Variants in MPPED1 observed in about 807,000 individuals in gnomAD.
MPPED1 encodes metallophosphoesterase domain-containing protein 1.
MPPED1 carries 16 observed loss-of-function variants against 36.2 expected under a neutral mutation model. That is an observed-to-expected ratio of 0.44 (90% confidence interval 0.30 to 0.67). MPPED1 has a LOEUF of 0.67. Ranked by LOEUF, MPPED1 falls within the 30% of genes least tolerant of loss-of-function variation. The probability of loss-of-function intolerance (pLI) is 0.10; values close to 1 mark genes in which losing one functional copy is unlikely to be tolerated. For synonymous variants in MPPED1, 199 were observed against 191.3 expected, an observed-to-expected ratio of 1.04 and a Z score of -0.33; for missense variants, 307 against 453.4, an observed-to-expected ratio of 0.68 and a Z score of 2.93.
At chr22:43,494,606 C>A (rs576269094) in intron 4 of MPPED1, among the ~76,000 whole-genome samples, 9 of 149,458 alleles carry the variant, frequency 6.0e-5, no homozygotes, top group African/African-American at 2.2e-4. Flanking sequence ...TTGATTTCAT[C>A]TACAAAGAAC....
intron 3 of MPPED1, among the ~76,000 whole-genome samples, chr22:43,439,021 GA>G (rs1237673014): frequency 6.6e-6 from 1 of 152,228 alleles, no homozygotes; most frequent in Middle Eastern, 3.2e-3. Flanking sequence ...GCCACCTCCA[GA>G]CAGACAGGAA....
At chr22:43,432,332 G>T (rs1929723742) in intron 2 of MPPED1, among the ~76,000 whole-genome samples, 1 of 134,378 alleles carries the variant, frequency 7.4e-6, no homozygotes, top group African/African-American at 3.0e-5. Context: ...AGGAGAGAAA[G>T]AGGGAAAGAG....
intron 3 of MPPED1, among the ~76,000 whole-genome samples, chr22:43,471,926 C>G (rs1931391192): frequency 6.6e-6 from 1 of 152,092 alleles, no homozygotes. Context: ...AGAATCTCAT[C>G]CCAGCAGCCT....
chr22:43,485,325 C>T (rs1481247597), intron 4 of MPPED1, among the ~76,000 whole-genome samples: 1 of 152,050 alleles, frequency 6.6e-6, no homozygotes, highest in Admixed American at 6.6e-5. Flanking sequence ...TTCATAGACA[C>T]ATACACATGA....
intron 4 of MPPED1, among the ~76,000 whole-genome samples, chr22:43,497,078 G>A (rs1340591140): frequency 2.0e-5 from 3 of 148,558 alleles, no homozygotes; most frequent in Admixed American, 6.7e-5. Context: ...GGAGGTGGTG[G>A]TGGAGGTAGT....
At chr22:43,501,660 G>C (rs1414338602) in intron 5 of MPPED1, among the ~76,000 whole-genome samples, 2 of 152,108 alleles carry the variant, frequency 1.3e-5, no homozygotes. Flanking sequence ...CCAGTGCCCA[G>C]CCCAGCACTC....
intron 1 of MPPED1, chr22:43,418,129 G>A (rs1929138924): frequency 2.2e-6 from 1 of 456,216 alleles, no homozygotes; most frequent in Admixed American, 2.3e-5. Flanking sequence ...GTGTTCTGGG[G>A]ATGGCTGCCT....
At chr22:43,485,888 C>A (rs919215060) in intron 4 of MPPED1, among the ~76,000 whole-genome samples, 1 of 152,250 alleles carries the variant, frequency 6.6e-6, no homozygotes, top group Non-Finnish European at 1.5e-5. Context: ...GTGTGATTGA[C>A]GGGCTTTGGG....
chr22:43,465,309 A>T (rs572693768), intron 3 of MPPED1, among the ~76,000 whole-genome samples: 1 of 152,220 alleles, frequency 6.6e-6, no homozygotes, highest in Non-Finnish European at 1.5e-5. Flanking sequence ...TGATGGGCTC[A>T]TCTCATCCTA....
chr22:43,435,879 GA>G (rs1569068820), intron 3 of MPPED1, among the ~76,000 whole-genome samples: 1 of 152,150 alleles, frequency 6.6e-6, no homozygotes, highest in Non-Finnish European at 1.5e-5. Context: ...ATTGATGAAT[GA>G]ATGAATGAAT....
chr22:43,450,466 T>G (rs1191428726), intron 3 of MPPED1, among the ~76,000 whole-genome samples: 1 of 152,232 alleles, frequency 6.6e-6, no homozygotes, highest in Non-Finnish European at 1.5e-5. Flanking sequence ...CCTCTCGAGT[T>G]TGGATCCTGG....
intron 5 of MPPED1, among the ~76,000 whole-genome samples, chr22:43,498,858 C>G (rs576017937): frequency 1.5e-4 from 21 of 140,266 alleles, no homozygotes; most frequent in African/African-American, 4.7e-4. Flanking sequence ...GCCTCCTCCA[C>G]CCCTACTGTC....
Position 43,474,920 on chromosome 22 carries a change from G to A in MPPED1, c.591G>A (p.Ser197=), listed in dbSNP as rs6003217. Residue 197 remains serine, a synonymous_variant, in exon 4 of 7, where the codon TCG becomes TCA. Coordinates refer to ENST00000443721, the MANE Select transcript of MPPED1 (RefSeq NM_001044370.2). This position sits in a 1 kb window ranked among gnomAD's most constrained non-coding sequence, Gnocchi z 5.2. ...LLTNCIYLQD[S]EVTVRGFRIY... ...CCAACTGCATCTACCTTCAGGACTC[G>A]GAGGTCACCGTGCGGGGCTTCCGGA... 40,858 of 1,613,938 alleles carry A rather than the reference G, an allele frequency of 0.025. 3,292 individuals carry two copies. In the African/African-American group the frequency reaches 0.28, roughly 11 times the overall value.
chr22:43,436,826 T>G (rs1171923035), intron 3 of MPPED1, among the ~76,000 whole-genome samples: 9 of 152,264 alleles, frequency 5.9e-5, no homozygotes, highest in African/African-American at 2.2e-4. Context: ...TTGTTGAATT[T>G]GGGAACAGCT....
chr22:43,493,540 C>A (rs1162154202), intron 4 of MPPED1, among the ~76,000 whole-genome samples: 1 of 152,200 alleles, frequency 6.6e-6, no homozygotes, highest in Non-Finnish European at 1.5e-5. Context: ...TAGTGAGGCA[C>A]CCTGTTGGGG....
chr22:43,491,746 T>TGGTGGTGATGGG (rs1874504367), intron 4 of MPPED1, among the ~76,000 whole-genome samples: 1 of 53,694 alleles, frequency 1.9e-5, no homozygotes, highest in African/African-American at 1.6e-4. Context: ...GTGGTGATGG[T>TGGTGGTGATGGG]GATGGAGGTA....
At chr22:43,433,114 G>A (rs1177086818) in intron 2 of MPPED1, among the ~76,000 whole-genome samples, 2 of 152,066 alleles carry the variant, frequency 1.3e-5, no homozygotes, top group Non-Finnish European at 1.5e-5. Context: ...GTCATGGGGA[G>A]TGGGGGTCAC....
At chr22:43,479,799 T>C (rs1213679660) in intron 4 of MPPED1, among the ~76,000 whole-genome samples, 1 of 152,196 alleles carries the variant, frequency 6.6e-6, no homozygotes, top group African/African-American at 2.4e-5. Flanking sequence ...AAACATATGG[T>C]TATAGCAACT....
chr22:43,491,517 G>C (rs1254233974), intron 4 of MPPED1, among the ~76,000 whole-genome samples: 1 of 151,016 alleles, frequency 6.6e-6, no homozygotes, highest in African/African-American at 2.4e-5. Context: ...GGTGGTTATG[G>C]AGGTGGTGGT....
Sources: gnomAD v4.1 joint callset for allele counts (sites outside exome capture counted in the v4.1 genomes callset) on GRCh38, gnomAD v4.1.1 for gene constraint, Gnocchi (gnomAD v3.1) non-coding constraint, MANE v1.5 for transcripts, NCBI Gene and HGNC (gene_info 2026-07-23, HGNC 2026-07-21) for gene names.